Variants in TOX3 observed in about 807,000 individuals in gnomAD.
TOX3 encodes the protein CAG trinucleotide repeat-containing gene F9 protein.
TOX3 carries 22 observed loss-of-function variants against 64.3 expected under a neutral mutation model. That is an observed-to-expected ratio of 0.34 (90% CI 0.24 to 0.49). The LOEUF (loss-of-function observed/expected upper bound fraction) is 0.49, where lower values mean the gene tolerates loss of function less well. Ranked by LOEUF, TOX3 falls within the 20% of genes least tolerant of loss-of-function variation. TOX3 has a pLI of 0.99. For missense variants in TOX3, 661 were observed against 714.4 expected (o/e 0.93, Z 0.85); for synonymous variants, 291 against 273.6 (o/e 1.06, Z -0.63).
At chr16:52,489,439 G>A (rs967436506) in intron 1 of TOX3, among the ~76,000 whole-genome samples, 5 of 152,040 alleles carry the variant, frequency 3.3e-5, no homozygotes, top group African/African-American at 1.2e-4. Flanking sequence ...AAAGCCCATG[G>A]ACATGTCCCC....
Position 52,439,130 on chromosome 16 carries a change from A to G in TOX3, c.*95T>C, listed in dbSNP as rs1959846911. Reference sequence around the variant, plus strand: ...CGTTTGATCTGTTACACATTTCTGCATAACCAACACCAACTTACAGGTTTC... The same window carrying G: ...CGTTTGATCTGTTACACATTTCTGCGTAACCAACACCAACTTACAGGTTTC... On this transcript the variant is annotated 3_prime_UTR_variant, in exon 7 of 7. Coordinates refer to ENST00000219746, the MANE Select transcript of TOX3 (RefSeq NM_001080430.4). 1.3e-6 allele frequency: 2 copies of G among 1,556,600 alleles called. No homozygotes were observed. Among genetic ancestry groups the G allele is most frequent in the East Asian group, 2.3e-5 (1 of 43,986 alleles).
At position 52,540,105 on chromosome 16, in the gene TOX3, G is replaced by A. The variant is rs542211478; in HGVS notation, c.87+6532C>T. 1.4e-4 allele frequency among the ~76,000 whole-genome samples: 21 copies of A among 152,148 alleles called. 1 individual carries two copies. In the South Asian group the frequency reaches 1.7e-3, roughly 12 times the overall value. ...CCACTTAAAATTTTTCAGGCTGGGC[G>A]CAGTGGTTCACACCTGTAATCTCAG... On this transcript the variant is annotated intron_variant, in intron 1 of 6. Coordinates refer to ENST00000219746, the MANE Select transcript of TOX3 (RefSeq NM_001080430.4).
intron 1 of TOX3, among the ~76,000 whole-genome samples, chr16:52,476,532 C>A (rs1961213158): frequency 6.6e-6 from 1 of 151,598 alleles, no homozygotes; most frequent in Admixed American, 6.6e-5. Context: ...ATGGGGCCAT[C>A]TTTGAGATTG....
Position 52,463,929 on chromosome 16 carries a change from C to T in TOX3, c.408+5G>A, listed in dbSNP as rs1003965143. 6.7e-7 allele frequency: 1 copy of T among 1,498,458 alleles called. No homozygotes were observed. The highest frequency in any genetic ancestry group is 8.9e-7 in the Non-Finnish European group (1 of 1,121,840). 92.8% of individuals were successfully genotyped at this position (1,498,458 alleles called of 1,614,324 possible). ...AATAATTTAAGTAATAAATGTGGTG[C>T]CTACCATATGCAACCCACTGCTATG... On this transcript the variant is annotated splice_donor_5th_base_variant and intron_variant, in intron 3 of 6. Coordinates refer to ENST00000219746, the MANE Select transcript of TOX3 (RefSeq NM_001080430.4).
chr16:52,442,862 C>CT (rs1213429988), intron 6 of TOX3, among the ~76,000 whole-genome samples: 1 of 151,740 alleles, frequency 6.6e-6, no homozygotes, highest in African/African-American at 2.4e-5. Context: ...TTTTTTTTCT[C>CT]TTTTTTGGTG....
chr16:52,485,246 G>GTGTATATATATATATATATATATA (rs1555484130), intron 1 of TOX3, among the ~76,000 whole-genome samples: 16 of 127,850 alleles, frequency 1.3e-4, no homozygotes, highest in African/African-American at 5.0e-4. Context: ...ATGTGTGTGT[G>GTGTATATATATATATATATATATA]TATATATATA....
chr16:52,484,646 G>GA (rs909774466), intron 1 of TOX3, among the ~76,000 whole-genome samples: 26 of 148,584 alleles, frequency 1.7e-4, no homozygotes, highest in Admixed American at 4.7e-4. Flanking sequence ...AAAAACATTA[G>GA]AAAAAAAAAA....
In TOX3 at chr16:52,517,463, T is replaced by C. The variant is rs8048043; in HGVS notation, c.87+29174A>G. Among the ~76,000 whole-genome samples the C allele has an allele frequency of 0.022, 3,365 of 152,188 alleles. 152 individuals are homozygous for C. In the East Asian group the frequency reaches 0.22, roughly 10 times the overall value. ...GCAAAGTATTCTCTTGTCATACAGA[T>C]GGCTCTCTTCTTGGTGGTGCCCCAG... On this transcript the variant is annotated intron_variant, in intron 1 of 6. Transcript: ENST00000219746.
chr16:52,475,523 G>A (rs1166058514), intron 1 of TOX3: 1 of 152,158 alleles, frequency 6.6e-6, no homozygotes, highest in African/African-American at 2.4e-5. Context: ...TCTAGAAAAT[G>A]CACTAACCTT....
intron 1 of TOX3, among the ~76,000 whole-genome samples, chr16:52,507,599 T>A (rs1962192920): frequency 6.6e-6 from 1 of 152,184 alleles, no homozygotes; most frequent in Admixed American, 6.5e-5. Context: ...GCACACAGCT[T>A]GGTAAGCAAA....
At chr16:52,498,380 A>C (rs1398577350) in intron 1 of TOX3, among the ~76,000 whole-genome samples, 3 of 152,366 alleles carry the variant, frequency 2.0e-5, no homozygotes, top group Middle Eastern at 3.4e-3. Context: ...TGACCTATCC[A>C]TCTGGGAAAA....
intron 1 of TOX3, among the ~76,000 whole-genome samples, chr16:52,521,396 T>C (rs1962604133): frequency 6.6e-6 from 1 of 152,074 alleles, no homozygotes; most frequent in Non-Finnish European, 1.5e-5. Flanking sequence ...TGGCCAGTTC[T>C]ACCTTCTCTG....
chr16:52,462,453 G>T (rs925576992), intron 3 of TOX3, among the ~76,000 whole-genome samples: 8 of 151,916 alleles, frequency 5.3e-5, no homozygotes, highest in Non-Finnish European at 8.8e-5. Flanking sequence ...CAGTTTTATA[G>T]CTTTAAGGCA....
At chr16:52,476,450 A>G (rs1458658865) in intron 1 of TOX3, among the ~76,000 whole-genome samples, 1 of 152,170 alleles carries the variant, frequency 6.6e-6, no homozygotes, top group Non-Finnish European at 1.5e-5. Context: ...AGTGGATACT[A>G]AGGTTCCAGA....
rs75802277 is a variant in TOX3 at position 52,439,279 on chromosome 16, C to T, written c.1677G>A (p.Ser559=). 709 of 1,613,822 alleles carry T rather than the reference C, an allele frequency of 4.4e-4. 3 individuals carry two copies. In the East Asian group the frequency reaches 8.4e-3, roughly 19 times the overall value. Residue 559 remains serine, a synonymous_variant, in exon 7 of 7, where the codon TCG becomes TCA. Transcript: ENST00000219746. ...SPQPASQQHQ[S]QIQSQTQTQV... The stretch of plus-strand genomic sequence containing the variant: ...GAGTCTGTGTCTGAGACTGTATTTG[C>T]GACTGGTGCTGCTGAGAGGCTGGCT...
intron 1 of TOX3, among the ~76,000 whole-genome samples, chr16:52,528,443 CA>C (rs1236943941): frequency 1.3e-5 from 2 of 151,838 alleles, no homozygotes; most frequent in African/African-American, 4.8e-5. Context: ...CAGCACCCAG[CA>C]GAGTGAAATC....
rs978134647 is a variant in TOX3 at position 52,486,841 on chromosome 16, C to CG, written c.88-18268dup. Among the ~76,000 whole-genome samples, 11 of 152,068 alleles carry CG rather than the reference C, an allele frequency of 7.2e-5. No homozygotes were observed. In the South Asian group the frequency reaches 2.1e-3, roughly 29 times the overall value. On this transcript the variant is annotated intron_variant, in intron 1 of 6. Transcript: ENST00000219746. The stretch of plus-strand genomic sequence containing the variant: ...GTCCCAGCTACTCTGGAGGCTGAGA[C>CG]GGGGGTATCACTTGAGCCCTGGAAG...
intron 1 of TOX3, among the ~76,000 whole-genome samples, chr16:52,524,832 C>T (rs896037954): frequency 6.6e-6 from 1 of 152,080 alleles, no homozygotes; most frequent in Non-Finnish European, 1.5e-5. Flanking sequence ...CTGAGAACCC[C>T]TATTTTCTGC....
intron 1 of TOX3, among the ~76,000 whole-genome samples, chr16:52,518,292 G>A (rs370044364): frequency 5.3e-5 from 8 of 152,250 alleles, no homozygotes; most frequent in Admixed American, 2.6e-4. Context: ...ACTCCCACAA[G>A]CTGCCCATTC....
Sources: allele counts gnomAD v4.1 joint callset (sites outside exome capture counted in the v4.1 genomes callset), GRCh38; gene constraint gnomAD v4.1.1; transcripts MANE v1.5; gene names NCBI Gene and HGNC (gene_info 2026-07-23, HGNC 2026-07-21).